The following PIK3CB variants were observed in gnomAD, a reference collection of about 807,000 sequenced individuals.
PIK3CB encodes the protein phosphatidylinositol 4,5-bisphosphate 3-kinase catalytic subunit beta isoform.
PIK3CB carries 39 observed loss-of-function variants against 136.8 expected under a neutral mutation model. The ratio of observed to expected loss-of-function variants is 0.29; its 90% CI spans 0.22 to 0.37. The LOEUF (loss-of-function observed/expected upper bound fraction) is 0.37. Ranked by LOEUF, PIK3CB falls within the 10% of genes least tolerant of loss-of-function variation. The pLI, the probability that PIK3CB is intolerant of heterozygous loss-of-function variation, is 1.00. For missense variants in PIK3CB, 868 were observed against 1,275.4 expected, an observed-to-expected ratio of 0.68 and a Z score of 4.87; for synonymous variants, 428 against 436.6, an observed-to-expected ratio of 0.98 and a Z score of 0.25.
At chr3:138,744,334 G>A (rs2045304250) in intron 4 of PIK3CB, among the ~76,000 whole-genome samples, 1 of 139,176 alleles carries the variant, frequency 7.2e-6, no homozygotes, top group Non-Finnish European at 1.5e-5. Flanking sequence ...GGCGGAGCTG[G>A]CAGTCAGCCG....
At chr3:138,669,568 G>A (rs74441122) in intron 19 of PIK3CB, among the ~76,000 whole-genome samples, 6,537 of 152,092 alleles carry the variant, frequency 0.043, 459 homozygotes, top group African/African-American at 0.15. Flanking sequence ...ATCTACCCAC[G>A]GCCAGATAGG....
At chr3:138,697,046 A>G (rs2044151753) in intron 13 of PIK3CB, among the ~76,000 whole-genome samples, 1 of 152,218 alleles carries the variant, frequency 6.6e-6, no homozygotes, top group Non-Finnish European at 1.5e-5. Flanking sequence ...ATGTAAGTGT[A>G]AAATTAAATA....
chr3:138,812,063 C>T (rs1933089834), intron 1 of PIK3CB, among the ~76,000 whole-genome samples: 1 of 151,896 alleles, frequency 6.6e-6, no homozygotes, highest in African/African-American at 2.4e-5. Context: ...TATGCTAAAG[C>T]CTGGGCAACA....
At chr3:138,738,217 G>C (rs1231779202) in intron 5 of PIK3CB, among the ~76,000 whole-genome samples, 1 of 151,834 alleles carries the variant, frequency 6.6e-6, no homozygotes, top group Non-Finnish European at 1.5e-5. Flanking sequence ...TGTCCCCCAG[G>C]CTGGAGCGCA....
rs2108381707 is a variant in PIK3CB at position 138,655,453 on chromosome 3, C to G, written c.3149G>C (p.Arg1050Thr). The change falls in exon 24 of 24, where the codon AGG becomes ACG. Residue 1050 changes from arginine to threonine, a missense_variant. By Grantham distance (71) the Arg-to-Thr change is moderately conservative. This residue lies in a region of PIK3CB where 88 missense variants were observed against 147.8 expected (regional missense o/e 0.60). Coordinates refer to ENST00000674063, the MANE Select transcript of PIK3CB (RefSeq NM_006219.3). ...QFKQKFDEAL[R>T]ESWTTKVNWM... ...GTTCACTTTAGTAGTCCAGCTTTCC[C>G]TGAGCGCCTCATCAAATTTTTGCTT... is the stretch of plus-strand genomic sequence containing the variant. 6.2e-7 allele frequency: 1 copy of G among 1,613,864 alleles called. No homozygotes were observed. The highest frequency in any genetic ancestry group is 1.1e-5 in the South Asian group (1 of 91,086).
intron 1 of PIK3CB, among the ~76,000 whole-genome samples, chr3:138,816,450 C>T (rs936022964): frequency 2.0e-5 from 3 of 151,738 alleles, no homozygotes; most frequent in East Asian, 3.9e-4. Flanking sequence ...AAAAATTAAC[C>T]GGGCATGGTG....
intron 4 of PIK3CB, among the ~76,000 whole-genome samples, chr3:138,751,093 A>G (rs1460803419): frequency 1.3e-5 from 2 of 152,308 alleles, no homozygotes; most frequent in East Asian, 3.9e-4. Flanking sequence ...CTGAATCCCA[A>G]TCTCTGAGCA....
At chr3:138,831,753 CAT>C (rs1934048042) in intron 1 of PIK3CB, among the ~76,000 whole-genome samples, 1 of 152,110 alleles carries the variant, frequency 6.6e-6, no homozygotes, top group South Asian at 2.1e-4. Context: ...GGTGAAACCC[CAT>C]GTTTACTAAA....
chr3:138,685,461 C>T (rs2108491301), intron 16 of PIK3CB, among the ~76,000 whole-genome samples: 1 of 130,394 alleles, frequency 7.7e-6, no homozygotes, highest in South Asian at 2.7e-4. Flanking sequence ...ACTTAAACTA[C>T]TCAAAATTCT....
intron 2 of PIK3CB, among the ~76,000 whole-genome samples, chr3:138,765,417 T>C (rs2045720737): frequency 6.6e-6 from 1 of 152,184 alleles, no homozygotes; most frequent in Non-Finnish European, 1.5e-5. Flanking sequence ...ATCTTCAATA[T>C]AGTCTTTCAG....
intron 1 of PIK3CB, among the ~76,000 whole-genome samples, chr3:138,805,503 C>T (rs1430905665): frequency 6.6e-6 from 1 of 151,184 alleles, no homozygotes; most frequent in African/African-American, 2.4e-5. Flanking sequence ...ACCCCCGTCT[C>T]CAATAAAAAT....
intron 13 of PIK3CB, 35 bp from the exon 14 acceptor site, chr3:138,694,942 G>A: frequency 6.4e-7 from 1 of 1,572,758 alleles, no homozygotes; most frequent in Non-Finnish European, 8.6e-7. Context: ...AGAAATAATG[G>A]GGGACAAAAG....
chr3:138,763,121 A>AGTATGTATGTATGTATGTATGTAT (rs111529463), intron 2 of PIK3CB, among the ~76,000 whole-genome samples: 8,742 of 149,570 alleles, frequency 0.058, 305 homozygotes, highest in East Asian at 0.13. Context: ...AATGAAAGTT[A>AGTATGTATGTATGTATGTATGTAT]GTATGTATGT....
chr3:138,823,497 G>C (rs928807773), intron 1 of PIK3CB, among the ~76,000 whole-genome samples: 1 of 151,836 alleles, frequency 6.6e-6, no homozygotes, highest in Non-Finnish European at 1.5e-5. Context: ...GAGGTCAGGA[G>C]ATCGAGACCA....
intron 10 of PIK3CB, 135 bp from the exon 11 acceptor site, chr3:138,707,424 C>T: frequency 7.3e-7 from 1 of 1,371,952 alleles, no homozygotes; most frequent in Non-Finnish European, 9.3e-7. Context: ...ACAATTCTAT[C>T]AGTAATCCTC....
At chr3:138,832,456 C>T (rs2108941775) in intron 1 of PIK3CB, among the ~76,000 whole-genome samples, 1 of 152,142 alleles carries the variant, frequency 6.6e-6, no homozygotes, top group Non-Finnish European at 1.5e-5. Context: ...TTTTGGGAGG[C>T]CCAGGCTGGC....
chr3:138,769,799 G>T (rs2045778139), intron 2 of PIK3CB, among the ~76,000 whole-genome samples: 1 of 152,084 alleles, frequency 6.6e-6, no homozygotes, highest in African/African-American at 2.4e-5. Context: ...TATTTTATAG[G>T]ACTACACAAA....
intron 4 of PIK3CB, among the ~76,000 whole-genome samples, chr3:138,748,494 TG>T (rs1397601340): frequency 6.6e-6 from 1 of 152,200 alleles, no homozygotes; most frequent in Non-Finnish European, 1.5e-5. Context: ...GAGTGGTCTT[TG>T]TTTATTTCTA....
At chr3:138,660,858 C>A (rs916969000) in intron 21 of PIK3CB, among the ~76,000 whole-genome samples, 2 of 152,130 alleles carry the variant, frequency 1.3e-5, no homozygotes, top group African/African-American at 4.8e-5. Context: ...CCTTAGCTGA[C>A]CATTCATATT....
Sources: allele counts gnomAD v4.1 joint callset (sites outside exome capture counted in the v4.1 genomes callset), GRCh38; gene constraint gnomAD v4.1.1; regional missense constraint gnomAD v4.1.1; transcripts MANE v1.5; gene names NCBI Gene and HGNC (gene_info 2026-07-23, HGNC 2026-07-21).